The following CSMD1 variants were observed in gnomAD, a reference collection of about 807,000 sequenced individuals.
CSMD1 encodes the protein CUB and sushi domain-containing protein 1.
CSMD1 carries 213 observed loss-of-function variants against 417.5 expected under a neutral mutation model. That is an observed-to-expected ratio of 0.51 (90% CI 0.46 to 0.57). CSMD1 has a LOEUF of 0.57. CSMD1 is among the 20% of genes least tolerant of loss of function. CSMD1 has a pLI of 0.00. For synonymous variants in CSMD1, 2,862 were observed against 1,736.8 expected (o/e 1.65, Z -16.11); for missense variants, 6,923 against 4,529.7 (o/e 1.53, Z -15.17).
intron 1 of CSMD1, among the ~76,000 whole-genome samples, chr8:4,764,829 C>T (rs1177491427): frequency 3.8e-5 from 5 of 132,312 alleles, no homozygotes; most frequent in South Asian, 2.5e-4. Flanking sequence ...GCAGAGATCG[C>T]GCCACTGCAC....
intron 18 of CSMD1, among the ~76,000 whole-genome samples, chr8:3,372,343 G>T (rs926010114): frequency 6.6e-6 from 1 of 152,100 alleles, no homozygotes; most frequent in Non-Finnish European, 1.5e-5. Context: ...AGGGTTGGAG[G>T]TTTCTTTCAG....
chr8:4,094,984 T>C (rs1359223999), intron 3 of CSMD1, among the ~76,000 whole-genome samples: 1 of 152,148 alleles, frequency 6.6e-6, no homozygotes, highest in Admixed American at 6.5e-5. Flanking sequence ...TAATATAGTA[T>C]TATACAGGTG....
chr8:3,302,961 A>C (rs901700626), intron 25 of CSMD1, among the ~76,000 whole-genome samples: 1 of 152,226 alleles, frequency 6.6e-6, no homozygotes, highest in African/African-American at 2.4e-5. Flanking sequence ...CATGACCAGC[A>C]ACTGCTCCCA....
chr8:4,778,276 G>A (rs1013274274), intron 1 of CSMD1, among the ~76,000 whole-genome samples: 2 of 152,038 alleles, frequency 1.3e-5, no homozygotes. Flanking sequence ...ACATGGGCTG[G>A]TCATCTAATT....
chr8:4,619,985 A>T (rs371265366), intron 2 of CSMD1, among the ~76,000 whole-genome samples: 6 of 152,068 alleles, frequency 3.9e-5, no homozygotes, highest in East Asian at 3.9e-4. Flanking sequence ...ATGAGGCATA[A>T]TTACAAATAT....
intron 3 of CSMD1, among the ~76,000 whole-genome samples, chr8:4,225,595 G>A (rs989025803): frequency 6.6e-6 from 1 of 150,992 alleles, no homozygotes; most frequent in East Asian, 2.0e-4. Flanking sequence ...TTTTTATTTG[G>A]GAGGAAATAT....
At chr8:4,287,275 T>A (rs1249293381) in intron 3 of CSMD1, among the ~76,000 whole-genome samples, 3 of 152,178 alleles carry the variant, frequency 2.0e-5, no homozygotes, top group Non-Finnish European at 4.4e-5. Context: ...TTGAATATAA[T>A]TAGTATTTTT....
intron 30 of CSMD1, among the ~76,000 whole-genome samples, chr8:3,211,045 T>C (rs1797575439): frequency 6.6e-6 from 1 of 152,072 alleles, no homozygotes; most frequent in African/African-American, 2.4e-5. Flanking sequence ...TACCCAAAAT[T>C]ACATCTTTTG....
chr8:4,093,234 C>T (rs1800814240), intron 3 of CSMD1, among the ~76,000 whole-genome samples: 1 of 149,518 alleles, frequency 6.7e-6, no homozygotes, highest in African/African-American at 2.4e-5. Context: ...CCTATGTTTA[C>T]ATAATACTTT....
chr8:4,449,467 A>G (rs1050280837), intron 2 of CSMD1, among the ~76,000 whole-genome samples: 1 of 152,218 alleles, frequency 6.6e-6, no homozygotes, highest in Non-Finnish European at 1.5e-5. Context: ...TTCAGTTATT[A>G]AAACCATCAT....
intron 3 of CSMD1, among the ~76,000 whole-genome samples, chr8:4,221,369 G>A (rs892229170): frequency 8.2e-6 from 1 of 121,910 alleles, no homozygotes; most frequent in South Asian, 3.3e-4. Flanking sequence ...ATCTCTACAA[G>A]GAAAGTGAGA....
intron 5 of CSMD1, among the ~76,000 whole-genome samples, chr8:3,855,672 A>G (rs572266498): frequency 7.5e-4 from 114 of 152,272 alleles, no homozygotes; most frequent in African/African-American, 2.6e-3. Flanking sequence ...TTCATTAATC[A>G]TAACTGTTAT....
chr8:2,992,176 CAT>C (rs1375651985), intron 54 of CSMD1, among the ~76,000 whole-genome samples: 1 of 151,946 alleles, frequency 6.6e-6, no homozygotes, highest in Non-Finnish European at 1.5e-5. Context: ...CATGCACACA[CAT>C]GAACACACAC....
intron 3 of CSMD1, among the ~76,000 whole-genome samples, chr8:4,084,882 C>T (rs1800337886): frequency 6.6e-6 from 1 of 151,946 alleles, no homozygotes; most frequent in Non-Finnish European, 1.5e-5. Flanking sequence ...CAAATACATA[C>T]ATTCAGTTTA....
chr8:3,718,951 G>A (rs111695991), intron 6 of CSMD1, among the ~76,000 whole-genome samples: 6 of 152,222 alleles, frequency 3.9e-5, no homozygotes, highest in African/African-American at 1.4e-4. Context: ...AGGGAGAATA[G>A]AAGGAGCGAG....
At chr8:3,567,772 C>G (rs1799776738) in intron 10 of CSMD1, among the ~76,000 whole-genome samples, 1 of 152,160 alleles carries the variant, frequency 6.6e-6, no homozygotes, top group Non-Finnish European at 1.5e-5. Flanking sequence ...CCCCTTCCCT[C>G]ACACCCTCTG....
intron 6 of CSMD1, among the ~76,000 whole-genome samples, chr8:3,751,094 T>G (rs17327118): frequency 0.088 from 13,415 of 152,094 alleles, 724 homozygotes; most frequent in Middle Eastern, 0.12. Flanking sequence ...AGTCCCCTGT[T>G]CAATGAGGAC....
chr8:4,346,683 C>T (rs996173191), intron 3 of CSMD1, among the ~76,000 whole-genome samples: 1 of 152,094 alleles, frequency 6.6e-6, no homozygotes, highest in Non-Finnish European at 1.5e-5. Context: ...TAATTTGCCT[C>T]GTATGAGTGC....
At chr8:3,292,115 G>A (rs959441823) in intron 25 of CSMD1, among the ~76,000 whole-genome samples, 3 of 152,160 alleles carry the variant, frequency 2.0e-5, no homozygotes, top group African/African-American at 7.2e-5. Flanking sequence ...AGGTTGTTCA[G>A]TTTCCATATA....
Sources: gnomAD v4.1 joint callset for allele counts (sites outside exome capture counted in the v4.1 genomes callset) on GRCh38, gnomAD v4.1.1 for gene constraint, MANE v1.5 for transcripts, NCBI Gene and HGNC (gene_info 2026-07-23, HGNC 2026-07-21) for gene names.